Variants in SEMA3D observed in about 807,000 individuals in gnomAD.
The protein encoded by SEMA3D is semaphorin-3D.
In SEMA3D, 84 loss-of-function variants were observed where a neutral mutation model predicts 100.1. That is an observed-to-expected ratio of 0.84 (90% CI 0.70 to 1.01). The LOEUF (loss-of-function observed/expected upper bound fraction) is 1.01, where lower values mean the gene tolerates loss of function less well. Ranked by LOEUF, SEMA3D falls within the 50% of genes least tolerant of loss-of-function variation. The pLI, the probability that SEMA3D is intolerant of heterozygous loss-of-function variation, is 0.00. For synonymous variants in SEMA3D, 312 were observed against 320.7 expected (o/e 0.97, Z 0.29); for missense variants, 875 against 934.1 (o/e 0.94, Z 0.82).
chr7:85,125,881 G>A (rs913673917), intron 2 of SEMA3D, among the ~76,000 whole-genome samples: 1 of 151,766 alleles, frequency 6.6e-6, no homozygotes, highest in Non-Finnish European at 1.5e-5. Flanking sequence ...CCAAAAGTGG[G>A]TGGATTTAGT....
chr7:85,201,035 A>C, the SEMA3D span, among the ~76,000 whole-genome samples: 1 of 152,362 alleles, frequency 6.6e-6, no homozygotes, highest in South Asian at 2.1e-4. Context: ...TTGTAAGAGA[A>C]GTTTGGGTAT....
chr7:85,073,454 T>C (rs1791833577), intron 5 of SEMA3D, among the ~76,000 whole-genome samples: 1 of 152,048 alleles, frequency 6.6e-6, no homozygotes, highest in Admixed American at 6.6e-5. Context: ...CTCTCTATGT[T>C]GTCCAGACTG....
the SEMA3D span, among the ~76,000 whole-genome samples, chr7:85,242,047 A>AG: frequency 6.6e-6 from 1 of 152,004 alleles, no homozygotes; most frequent in Non-Finnish European, 1.5e-5. Context: ...ATAAAAAAAA[A>AG]AGAAATTTGT....
At chr7:85,017,080 A>C (rs1790125328) in intron 15 of SEMA3D, among the ~76,000 whole-genome samples, 1 of 151,664 alleles carries the variant, frequency 6.6e-6, no homozygotes, top group South Asian at 2.1e-4. Flanking sequence ...ATTGTACACA[A>C]ACTTATTACA....
In SEMA3D at chr7:84,998,105, A is replaced by G. The variant is rs1789554242; in HGVS notation, c.*1335T>C. On this transcript the variant is annotated 3_prime_UTR_variant, in exon 19 of 19. Coordinates refer to ENST00000284136, the MANE Select transcript of SEMA3D (RefSeq NM_001384900.1). ...GAGAAAAGGTTGAGTGAAGATGTCAAAGAGTTAATTTAACCCTTTCCGTTG... is the reference window on the plus strand; with the variant it reads ...GAGAAAAGGTTGAGTGAAGATGTCAGAGAGTTAATTTAACCCTTTCCGTTG... 1 of 152,110 alleles carries G rather than the reference A, an allele frequency of 6.6e-6. No homozygotes were observed. The highest frequency in any genetic ancestry group is 3.2e-3 in the Middle Eastern group (1 of 316). The allele number at this position is 152,110 out of a possible 1,614,324, so 9.4% of individuals were successfully genotyped here. A position where few individuals can be genotyped will look rare whatever the true frequency, so the allele number is the denominator to read the frequency against.
chr7:85,165,564 C>G (rs1300453507), intron 1 of SEMA3D, among the ~76,000 whole-genome samples: 1 of 152,084 alleles, frequency 6.6e-6, no homozygotes, highest in Non-Finnish European at 1.5e-5. Context: ...GGTGTCCAAA[C>G]AGGCCAGTCA....
chr7:85,231,436 CTTTTTTTTTTTTTTTTTT>C, the SEMA3D span, among the ~76,000 whole-genome samples: 7 of 117,872 alleles, frequency 5.9e-5, 1 homozygote, highest in Non-Finnish European at 8.3e-5. Context: ...CAATCTTTCC[CTTTTTTTTTTTTTTTTTT>C]TTTTTTTTTT....
At chr7:85,215,748 C>G in the SEMA3D span, among the ~76,000 whole-genome samples, 1 of 152,026 alleles carries the variant, frequency 6.6e-6, no homozygotes, top group African/African-American at 2.4e-5. Context: ...ATATATTACA[C>G]TTTTTATGAA....
intron 1 of SEMA3D, among the ~76,000 whole-genome samples, chr7:85,176,422 C>T (rs1333601727): frequency 6.6e-6 from 1 of 152,006 alleles, no homozygotes; most frequent in Non-Finnish European, 1.5e-5. Flanking sequence ...CAAACAAGTT[C>T]TTGAAATGTG....
the SEMA3D span, among the ~76,000 whole-genome samples, chr7:85,217,256 C>T: frequency 5.3e-5 from 8 of 151,980 alleles, no homozygotes; most frequent in African/African-American, 1.7e-4. Context: ...TGTTTAGCAT[C>T]GCCCTCAGTG....
chr7:85,042,136 G>C (rs773418635), intron 10 of SEMA3D, 35 bp downstream of exon 10: 6 of 1,366,140 alleles, frequency 4.4e-6, no homozygotes, highest in South Asian at 1.2e-5. Context: ...TAGGCAGTAA[G>C]GCCTTTCCAA....
the SEMA3D span, among the ~76,000 whole-genome samples, chr7:85,224,396 AG>A: frequency 1.3e-5 from 2 of 152,194 alleles, no homozygotes; most frequent in Non-Finnish European, 1.5e-5. Context: ...GATAAATGGT[AG>A]TCCAACTTGC....
chr7:85,127,073 A>G (rs1789590204), intron 2 of SEMA3D, among the ~76,000 whole-genome samples: 1 of 152,122 alleles, frequency 6.6e-6, no homozygotes, highest in South Asian at 2.1e-4. Context: ...GATATATTCT[A>G]AAGGAGTCTG....
At chr7:85,236,725 G>A in the SEMA3D span, among the ~76,000 whole-genome samples, 1 of 152,060 alleles carries the variant, frequency 6.6e-6, no homozygotes, top group African/African-American at 2.4e-5. Context: ...ATAAGATAAA[G>A]CAGAAATAAT....
At chr7:85,116,962 G>T (rs1214172403) in intron 3 of SEMA3D, among the ~76,000 whole-genome samples, 1 of 152,074 alleles carries the variant, frequency 6.6e-6, no homozygotes, top group African/African-American at 2.4e-5. Context: ...TACCTCCCAT[G>T]CCACAGTTCC....
At chr7:85,175,385 G>A (rs1229629914) in intron 1 of SEMA3D, among the ~76,000 whole-genome samples, 1 of 152,160 alleles carries the variant, frequency 6.6e-6, no homozygotes, top group African/African-American at 2.4e-5. Flanking sequence ...GAGTACACAT[G>A]TGTAAGCATA....
Position 85,018,383 on chromosome 7 carries a change from C to T in SEMA3D, c.1504-90G>A, listed in dbSNP as rs1213608418. ...TTGTTTTATCTGATGCCATATATCACTGAAGTAAACATCAAGTCTCTGTTA... is the reference window on the plus strand; with the variant it reads ...TTGTTTTATCTGATGCCATATATCATTGAAGTAAACATCAAGTCTCTGTTA... On this transcript the variant is annotated intron_variant, in intron 14 of 18. Transcript: ENST00000284136. 10 of 781,800 alleles carry T rather than the reference C, an allele frequency of 1.3e-5. No homozygotes were observed. In the African/African-American group the frequency reaches 1.6e-4, roughly 12 times the overall value. The allele number at this position is 781,800 out of a possible 1,614,324, so 48.4% of individuals were successfully genotyped here.
At chr7:85,036,842 A>G (rs1469263064) in intron 12 of SEMA3D, 47 bp downstream of exon 12, 24 of 1,464,108 alleles carry the variant, frequency 1.6e-5, no homozygotes, top group Non-Finnish European at 2.2e-5. Context: ...ATTAAGAATT[A>G]AATATGAGCT....
At chr7:85,004,164 T>C (rs1789731163) in intron 18 of SEMA3D, among the ~76,000 whole-genome samples, 1 of 151,950 alleles carries the variant, frequency 6.6e-6, no homozygotes. Context: ...CATTAAATGA[T>C]AATGGAAAAT....
Sources: gnomAD v4.1 joint callset for allele counts (sites outside exome capture counted in the v4.1 genomes callset) on GRCh38, gnomAD v4.1.1 for gene constraint, MANE v1.5 for transcripts, NCBI Gene and HGNC (gene_info 2026-07-23, HGNC 2026-07-21) for gene names.